GTF2F1: variants seen among roughly 807,000 people sequenced by gnomAD.
The protein encoded by GTF2F1 is general transcription factor IIF 74 kDa subunit.
Under a neutral mutation model 63.5 loss-of-function variants are expected in GTF2F1, and 39 were observed. The observed-to-expected ratio is 0.61, with a 90% CI of 0.48 to 0.80. The LOEUF (loss-of-function observed/expected upper bound fraction) is 0.80. GTF2F1 is among the 30% of genes least tolerant of loss of function. GTF2F1 has a pLI of 0.00. For synonymous variants in GTF2F1, 287 were observed against 285.3 expected, an observed-to-expected ratio of 1.01 and a Z score of -0.06; for missense variants, 657 against 718.3, an observed-to-expected ratio of 0.91 and a Z score of 0.97.
chr19:6,392,277 A>G (rs567524990), intron 2 of GTF2F1: 15 of 499,404 alleles, frequency 3.0e-5, no homozygotes, highest in African/African-American at 2.9e-4. Context: ...CTGCCAGAGA[A>G]GCTAGACCCA....
intron 4 of GTF2F1, among the ~76,000 whole-genome samples, chr19:6,388,523 T>C (rs529929147): frequency 1.3e-5 from 2 of 152,316 alleles, no homozygotes; most frequent in East Asian, 3.9e-4. Context: ...CTGCCCTCAG[T>C]CTGCCCCCTC....
At position 6,391,923 on chromosome 19, in the gene GTF2F1, G is replaced by T; in HGVS notation, c.111C>A (p.Val37=). The T allele has an allele frequency of 6.3e-7, 1 of 1,583,476 alleles. No individual in the cohort carries two copies. Among genetic ancestry groups the T allele is most frequent in the South Asian group, 1.2e-5 (1 of 86,700 alleles). ...TTACCTGATTCCACGTAGCAAAGTT[G>T]ACTTTGTCGGCTGCATTAAAAGCCA... ...NIMAFNAADK[V]NFATWNQARL... Residue 37 remains valine, a synonymous_variant, in exon 3 of 13, where the codon GTC becomes GTA. Coordinates refer to ENST00000394456, the MANE Select transcript of GTF2F1 (RefSeq NM_002096.3).
Position 6,383,286 on chromosome 19 carries a change from C to T in GTF2F1, c.682+25G>A, listed in dbSNP as rs2091960684. On this transcript the variant is annotated intron_variant, in intron 6 of 12. Coordinates refer to ENST00000394456, the MANE Select transcript of GTF2F1 (RefSeq NM_002096.3). This position sits in a 1 kb window ranked among gnomAD's most constrained non-coding sequence, Gnocchi z 4.5. The stretch of plus-strand genomic sequence containing the variant: ...CTGCCTGAGCAGGCACCTCTGTGAC[C>T]TAATGCCCAGGCGCCCGTACTCACC... 6.2e-7 allele frequency: 1 copy of T among 1,609,790 alleles called. No individual in the cohort carries two copies. The highest frequency in any genetic ancestry group is 8.5e-7 in the Non-Finnish European group (1 of 1,177,536).
chr19:6,385,427 T>C (rs976726046), intron 5 of GTF2F1, among the ~76,000 whole-genome samples: 7 of 137,472 alleles, frequency 5.1e-5, no homozygotes, highest in Non-Finnish European at 1.1e-4. Context: ...AAAAAAGAGA[T>C]GGCATTTCTC....
At chr19:6,385,672 C>T (rs1256900714) in intron 5 of GTF2F1, among the ~76,000 whole-genome samples, 2 of 152,082 alleles carry the variant, frequency 1.3e-5, no homozygotes, top group African/African-American at 2.4e-5. Flanking sequence ...CCCACAGGCT[C>T]GGAGGCTCAT....
rs2091948630 is a variant in GTF2F1, at chr19:6,381,269, A to C, written c.1019-74T>G. 16 of 1,554,948 alleles carry C rather than the reference A, an allele frequency of 1.0e-5. No individual in the cohort carries two copies. The East Asian group carries it at 2.1e-4, about 21-fold the overall frequency. On this transcript the variant is annotated intron_variant, in intron 9 of 12. Coordinates refer to ENST00000394456, the MANE Select transcript of GTF2F1 (RefSeq NM_002096.3). The surrounding 1 kb of genome is among the most constrained non-coding windows in gnomAD (Gnocchi z 4.1). ...GTGCCCACTGGTGCCTCCACTGCAG[A>C]TGAGGGAGGCCTGCAGGGGAGAGGG...
rs756318990 is a variant in GTF2F1 at position 6,381,537 on chromosome 19, G to T, written c.898+17C>A. 2 of 1,611,708 alleles carry T rather than the reference G, an allele frequency of 1.2e-6. No individual in the cohort carries two copies. Among genetic ancestry groups the T allele is most frequent in the African/African-American group, 1.3e-5 (1 of 75,066 alleles). The stretch of plus-strand genomic sequence containing the variant: ...AGCACCGCCCCCATCTCCCCGGCCC[G>T]CCCAGCCATCGCCTACCCTTGGGCC... On this transcript the variant is annotated intron_variant, in intron 8 of 12. Transcript: ENST00000394456. This position sits in a 1 kb window ranked among gnomAD's most constrained non-coding sequence, Gnocchi z 4.1.
rs971501684 is a variant in GTF2F1 at position 6,383,544 on chromosome 19, C to T, written c.498-49G>A. The T allele has an allele frequency of 1.9e-6, 3 of 1,589,248 alleles. No individual in the cohort carries two copies. The highest frequency in any genetic ancestry group is 2.6e-6 in the Non-Finnish European group (3 of 1,164,348). ...TCATGCCGGGCCTGGCACCACCCTGCATCTGTGCTTGCAGGGGGCGAGCCC... is the reference window on the plus strand; with the variant it reads ...TCATGCCGGGCCTGGCACCACCCTGTATCTGTGCTTGCAGGGGGCGAGCCC... On this transcript the variant is annotated intron_variant, in intron 5 of 12. Transcript: ENST00000394456. The surrounding 1 kb of genome is among the most constrained non-coding windows in gnomAD (Gnocchi z 4.5).
rs749748984 is a variant in GTF2F1 at position 6,380,254 on chromosome 19, G to A, written c.*27C>T. 3 of 1,585,974 alleles carry A rather than the reference G, an allele frequency of 1.9e-6. No homozygotes were observed. The highest frequency in any genetic ancestry group is 4.5e-5 in the East Asian group (2 of 44,718). ...GGCAGTGAGAGCCTTAAGTTCTGGG[G>A]GGCAGAGCCATGTATTGGACCAAGC... On this transcript the variant is annotated 3_prime_UTR_variant, in exon 13 of 13. Transcript: ENST00000394456. This position sits in a 1 kb window ranked among gnomAD's most constrained non-coding sequence, Gnocchi z 5.3.
In GTF2F1 at chr19:6,381,142, A is replaced by C. The variant is rs1283556488; in HGVS notation, c.1072T>G (p.Ser358Ala). The change falls in exon 10 of 13, where the codon TCC (serine) becomes GCC (alanine). Residue 358 changes from serine to alanine, a missense_variant. Coordinates refer to ENST00000394456, the MANE Select transcript of GTF2F1 (RefSeq NM_002096.3). This position sits in a 1 kb window ranked among gnomAD's most constrained non-coding sequence, Gnocchi z 4.1. The part of the protein sequence containing the change: ...SEESDIDSEA[S>A]SALFMAKKKT... ...CTTACCGCCATGAAGAGGGCTGAGG[A>C]GGCCTCGCTGTCAATGTCGCTCTCC... 2 of 1,611,896 alleles carry C rather than the reference A, an allele frequency of 1.2e-6. No individual in the cohort carries two copies. Among genetic ancestry groups the C allele is most frequent in the Non-Finnish European group, 1.7e-6 (2 of 1,179,340 alleles).
rs751967759 is a variant in GTF2F1, at chr19:6,381,531, C to A, written c.898+23G>T. The A allele has an allele frequency of 5.0e-6, 8 of 1,611,172 alleles. No individual in the cohort carries two copies. The highest frequency in any genetic ancestry group is 5.9e-6 in the Non-Finnish European group (7 of 1,179,918). ...CAGGGAAGCACCGCCCCCATCTCCC[C>A]GGCCCGCCCAGCCATCGCCTACCCT... On this transcript the variant is annotated intron_variant, in intron 8 of 12. Coordinates refer to ENST00000394456, the MANE Select transcript of GTF2F1 (RefSeq NM_002096.3). The surrounding 1 kb of genome is among the most constrained non-coding windows in gnomAD (Gnocchi z 4.1).
intron 3 of GTF2F1, among the ~76,000 whole-genome samples, 159 bp downstream of exon 3, chr19:6,391,743 G>A (rs145418474): frequency 1.6e-4 from 24 of 152,170 alleles, no homozygotes; most frequent in African/African-American, 5.5e-4. Context: ...GTGAACTACT[G>A]CACCCAACCC....
chr19:6,392,932 G>T (rs1468228386), intron 1 of GTF2F1, 29 bp from the exon 2 acceptor site: 1 of 1,613,944 alleles, frequency 6.2e-7, no homozygotes, highest in Non-Finnish European at 8.5e-7. Context: ...GTGAGTGAGG[G>T]GTCGCCGAGG....
At chr19:6,390,129 A>C (rs1341231310) in intron 3 of GTF2F1, among the ~76,000 whole-genome samples, 1 of 152,204 alleles carries the variant, frequency 6.6e-6, no homozygotes, top group Non-Finnish European at 1.5e-5. Context: ...CAGAAGGATC[A>C]CTTGAGCTCA....
intron 3 of GTF2F1, among the ~76,000 whole-genome samples, chr19:6,391,512 G>T (rs1164855139): frequency 2.9e-5 from 4 of 135,806 alleles, no homozygotes; most frequent in Non-Finnish European, 6.1e-5. Context: ...GAGTGCAGTC[G>T]TACAATCATA....
rs1389894379 is a variant in GTF2F1, at chr19:6,389,482, C to T, written c.288G>A (p.Gln96=). 1 of 1,614,180 alleles carries T rather than the reference C, an allele frequency of 6.2e-7. No homozygotes were observed. Residue 96 remains glutamine (Q), a synonymous_variant, in exon 4 of 13, where the codon CAG becomes CAA. Transcript: ENST00000394456. ...IVLKEFRPED[Q]PWLLRVNGKS... is the part of the protein sequence containing the mutation. ...TGCCGTTGACCCGGAGCAGCCAGGG[C>T]TGGTCCTCGGGCCGGAACTCCTTGA...
rs2145072064 is a variant in GTF2F1 at position 6,381,252 on chromosome 19, T to TGGTG, written c.1019-61_1019-58dup. Reference sequence around the variant, plus strand: ...AGCAACCCCGGGACCCGGTGCCCACTGGTGCCTCCACTGCAGATGAGGGAG... The same window carrying TGGTG: ...AGCAACCCCGGGACCCGGTGCCCACTGGTGGGTGCCTCCACTGCAGATGAGGGAG... On this transcript the variant is annotated intron_variant, in intron 9 of 12. Transcript: ENST00000394456. The surrounding 1 kb of genome is among the most constrained non-coding windows in gnomAD (Gnocchi z 4.1). The TGGTG allele has an allele frequency of 6.4e-7, 1 of 1,566,006 alleles. No homozygotes were observed. The highest frequency in any genetic ancestry group is 1.9e-5 in the Admixed American group (1 of 52,654).
rs139893523 is a variant in GTF2F1 at position 6,384,629 on chromosome 19, T to C, written c.498-1134A>G. The stretch of plus-strand genomic sequence containing the variant: ...TGAGTGGCTTTACCACACTGAGCCA[T>C]GCACCAAAAAACAGTGACAGTTTGG... On this transcript the variant is annotated intron_variant, in intron 5 of 12. Coordinates refer to ENST00000394456, the MANE Select transcript of GTF2F1 (RefSeq NM_002096.3). Among the ~76,000 whole-genome samples, 433 of 151,842 alleles carry C rather than the reference T, an allele frequency of 2.9e-3. 4 individuals carry two copies. Among genetic ancestry groups the C allele is most frequent in the African/African-American group, 9.9e-3 (411 of 41,404 alleles).
chr19:6,389,440 T>C lies in GTF2F1; in HGVS notation c.326+4A>G. ...GCCGGCACCGCCACCGCCCCACCACTTACTTCCTGCCTGATTTGCCGTTGA... is the reference window on the plus strand; with the variant it reads ...GCCGGCACCGCCACCGCCCCACCACCTACTTCCTGCCTGATTTGCCGTTGA... On this transcript the variant is annotated splice_donor_region_variant and intron_variant, in intron 4 of 12. Transcript: ENST00000394456. 1 of 1,612,784 alleles carries C rather than the reference T, an allele frequency of 6.2e-7. No individual in the cohort carries two copies. The highest frequency in any genetic ancestry group is 1.1e-5 in the South Asian group (1 of 91,066).
Sources: allele counts gnomAD v4.1 joint callset (sites outside exome capture counted in the v4.1 genomes callset), GRCh38; gene constraint gnomAD v4.1.1; non-coding constraint Gnocchi (gnomAD v3.1); transcripts MANE v1.5; gene names NCBI Gene and HGNC (gene_info 2026-07-23, HGNC 2026-07-21).